The following PTK2 variants were observed in gnomAD, a reference collection of about 807,000 sequenced individuals.
PTK2 encodes protein tyrosine kinase 2.
In PTK2, 45 loss-of-function variants were observed where a neutral mutation model predicts 150.1. The observed-to-expected ratio is 0.30, with a 90% CI of 0.24 to 0.38. The LOEUF is 0.38. Among genes scored for constraint, PTK2 ranks in the 10% least tolerant of loss-of-function variants. The pLI, the probability that PTK2 is intolerant of heterozygous loss-of-function variation, is 1.00. For missense variants in PTK2, 919 were observed against 1,307.3 expected (o/e 0.70, Z 4.58); for synonymous variants, 432 against 449.2 (o/e 0.96, Z 0.48).
At chr8:140,838,641 C>T (rs1247463599) in intron 7 of PTK2, among the ~76,000 whole-genome samples, 2 of 152,114 alleles carry the variant, frequency 1.3e-5, no homozygotes, top group African/African-American at 4.8e-5. Flanking sequence ...AGCTACCTTT[C>T]AAGAACAAGG....
intron 5 of PTK2, among the ~76,000 whole-genome samples, chr8:140,859,989 T>G (rs770037097): frequency 6.6e-6 from 1 of 152,208 alleles, no homozygotes; most frequent in Non-Finnish European, 1.5e-5. Flanking sequence ...TAAAAACTCA[T>G]AGTATATTCA....
intron 26 of PTK2, among the ~76,000 whole-genome samples, chr8:140,690,756 CAT>C (rs1351226040): frequency 2.6e-5 from 4 of 152,206 alleles, no homozygotes; most frequent in Non-Finnish European, 5.9e-5. Flanking sequence ...ACAGCCTTCA[CAT>C]AACATTTATA....
chr8:140,729,285 C>T (rs991399365), intron 22 of PTK2, among the ~76,000 whole-genome samples: 2 of 152,184 alleles, frequency 1.3e-5, no homozygotes, highest in African/African-American at 2.4e-5. Flanking sequence ...TCCCAACACC[C>T]CCCAGCTGGA....
At chr8:140,766,788 C>A (rs767833522) in intron 14 of PTK2, among the ~76,000 whole-genome samples, 2 of 152,170 alleles carry the variant, frequency 1.3e-5, no homozygotes, top group Non-Finnish European at 2.9e-5. Flanking sequence ...AATACACAAG[C>A]CCATTTGGGG....
At chr8:140,899,066 C>T (rs1170892675) in intron 2 of PTK2, among the ~76,000 whole-genome samples, 1 of 152,126 alleles carries the variant, frequency 6.6e-6, no homozygotes, top group East Asian at 1.9e-4. Context: ...TTTATTTTCC[C>T]ATAAAAAGTC....
chr8:140,944,000 A>C (rs1264354111), intron 1 of PTK2, among the ~76,000 whole-genome samples: 13 of 152,064 alleles, frequency 8.5e-5, no homozygotes, highest in Non-Finnish European at 1.5e-5. Flanking sequence ...ATTTTGTTAA[A>C]CCATTTGGAA....
At chr8:140,877,175 G>A (rs2100146121) in intron 4 of PTK2, among the ~76,000 whole-genome samples, 1 of 151,800 alleles carries the variant, frequency 6.6e-6, no homozygotes, top group African/African-American at 2.4e-5. Context: ...TGGGAGTACA[G>A]GCACCCGCCA....
intron 1 of PTK2, among the ~76,000 whole-genome samples, chr8:140,974,484 T>C (rs958760243): frequency 6.6e-6 from 1 of 152,234 alleles, no homozygotes; most frequent in Non-Finnish European, 1.5e-5. Context: ...ATGTGTCTTA[T>C]TCTGTCTTTC....
intron 1 of PTK2, among the ~76,000 whole-genome samples, chr8:140,935,819 CGCCACCA>C (rs2100173432): frequency 6.6e-6 from 1 of 150,586 alleles, no homozygotes; most frequent in African/African-American, 2.4e-5. Flanking sequence ...TACAGGCATC[CGCCACCA>C]CACCTGGCTA....
chr8:140,880,182 C>T (rs554754362), intron 3 of PTK2, among the ~76,000 whole-genome samples: 4 of 152,180 alleles, frequency 2.6e-5, no homozygotes, highest in South Asian at 2.1e-4. Flanking sequence ...TCTTTGAATT[C>T]GGGCCTAATC....
intron 15 of PTK2, 54 bp downstream of exon 17, chr8:140,764,180 T>C (rs574990600): frequency 6.4e-6 from 9 of 1,408,266 alleles, no homozygotes; most frequent in Admixed American, 1.7e-5. Context: ...AACTTTTAAA[T>C]GCAAGGAGGC....
chr8:140,757,996 T>G (rs553088290), intron 16 of PTK2, among the ~76,000 whole-genome samples: 2 of 152,204 alleles, frequency 1.3e-5, no homozygotes, highest in Non-Finnish European at 2.9e-5. Context: ...ATAATGATAA[T>G]AAACGACTAT....
intron 16 of PTK2, among the ~76,000 whole-genome samples, chr8:140,755,212 G>C (rs2100064917): frequency 6.6e-6 from 1 of 152,118 alleles, no homozygotes; most frequent in African/African-American, 2.4e-5. Flanking sequence ...GTGATCAGCA[G>C]GTGCTTGAAG....
intron 1 of PTK2, among the ~76,000 whole-genome samples, chr8:140,943,037 G>A (rs532524128): frequency 3.1e-4 from 47 of 152,118 alleles, no homozygotes; most frequent in African/African-American, 9.9e-4. Flanking sequence ...GCTCTCCGAC[G>A]CCTCCCTGGA....
intron 24 of PTK2, among the ~76,000 whole-genome samples, chr8:140,703,601 TAAC>T (rs138094979): frequency 0.29 from 43,706 of 151,840 alleles, 6,937 homozygotes; most frequent in Admixed American, 0.4. Context: ...CCAACAAGAA[TAAC>T]AACAACAACA....
At chr8:140,865,564 A>G (rs1011073914) in intron 4 of PTK2, among the ~76,000 whole-genome samples, 1 of 152,184 alleles carries the variant, frequency 6.6e-6, no homozygotes, top group Non-Finnish European at 1.5e-5. Context: ...TTGAGGAAGC[A>G]AAGTTTGGTA....
At chr8:141,001,792 A>C (rs905878846), upstream of PTK2, among the ~76,000 whole-genome samples, 4 of 151,988 alleles carry the variant, frequency 2.6e-5, no homozygotes, top group Non-Finnish European at 5.9e-5. Flanking sequence ...CAGGCACCAC[A>C]CCGACCCTAA....
chr8:140,725,925 C>G (rs952379743), intron 22 of PTK2, among the ~76,000 whole-genome samples: 1 of 150,776 alleles, frequency 6.6e-6, no homozygotes, highest in African/African-American at 2.4e-5. Flanking sequence ...AAAGATGACT[C>G]AGATGTTGAA....
rs564392977 is a variant in PTK2 at position 140,810,561 on chromosome 8, G to A, written c.868-6911C>T. On this transcript the variant is annotated intron_variant, in intron 10 of 31. Transcript: ENST00000522684. ...TCCATTGCCACACACCAGCCCACCC[G>A]CTCCTTCCTCACACTGCAGGTTCCT... Among the ~76,000 whole-genome samples, 6 of 152,240 alleles carry A rather than the reference G, an allele frequency of 3.9e-5. No individual in the cohort carries two copies. In the East Asian group the frequency reaches 7.7e-4, roughly 20 times the overall value.
Sources: allele counts gnomAD v4.1 joint callset (sites outside exome capture counted in the v4.1 genomes callset), GRCh38; gene constraint gnomAD v4.1.1; transcripts MANE v1.5; gene names NCBI Gene and HGNC (gene_info 2026-07-23, HGNC 2026-07-21).